PRR5L: variants seen among roughly 807,000 people sequenced by gnomAD.
PRR5L encodes the protein proline rich 5 like, also known as proline-rich protein 5-like.
PRR5L carries 21 observed loss-of-function variants against 36.4 expected under a neutral mutation model. The ratio of observed to expected loss-of-function variants is 0.58; its 90% CI spans 0.41 to 0.83. PRR5L has a LOEUF of 0.83. Among genes scored for constraint, PRR5L ranks in the 40% least tolerant of loss-of-function variants. The probability of loss-of-function intolerance (pLI) is 0.00; values close to 1 mark genes in which losing one functional copy is unlikely to be tolerated. For synonymous variants in PRR5L, 188 were observed against 197.0 expected, an observed-to-expected ratio of 0.95 and a Z score of 0.38; for missense variants, 381 against 473.3, an observed-to-expected ratio of 0.80 and a Z score of 1.81.
At chr11:36,333,769 G>A (rs12419905) in intron 1 of PRR5L, among the ~76,000 whole-genome samples, 15,691 of 152,160 alleles carry the variant, frequency 0.1, 1,544 homozygotes, top group African/African-American at 0.27. Context: ...TTCTGGGAAT[G>A]GTAGAAATGT....
rs11033570 is a variant in PRR5L at position 36,359,735 on chromosome 11, G to A, written c.-125-41262G>A. Among the ~76,000 whole-genome samples the A allele has an allele frequency of 5.8e-4, 89 of 152,268 alleles. 1 individual carries two copies. In the East Asian group the frequency reaches 0.017, roughly 29 times the overall value. On this transcript the variant is annotated intron_variant, in intron 1 of 8. Coordinates refer to ENST00000530639, the MANE Select transcript of PRR5L (RefSeq NM_001160167.2). Reference sequence around the variant, plus strand: ...GACTGGTCTATAACAGAAACTATAGGGCATTGTTTTAAATACTTCAGAAGC... The same window carrying A: ...GACTGGTCTATAACAGAAACTATAGAGCATTGTTTTAAATACTTCAGAAGC...
chr11:36,346,349 T>A (rs1246994745), intron 1 of PRR5L, among the ~76,000 whole-genome samples: 1 of 152,066 alleles, frequency 6.6e-6, no homozygotes, highest in Non-Finnish European at 1.5e-5. Flanking sequence ...TTTGGGAGGC[T>A]GAGGCGGGTG....
intron 1 of PRR5L, among the ~76,000 whole-genome samples, chr11:36,329,660 C>A (rs1056865000): frequency 6.6e-6 from 1 of 152,148 alleles, no homozygotes; most frequent in Non-Finnish European, 1.5e-5. Flanking sequence ...ATTGACCATA[C>A]AAACTTTTAA....
At chr11:36,331,443 A>T (rs1856717786) in intron 1 of PRR5L, among the ~76,000 whole-genome samples, 1 of 152,192 alleles carries the variant, frequency 6.6e-6, no homozygotes, top group Admixed American at 6.5e-5. Context: ...AGAAAAAAAG[A>T]TTTGGTTCTC....
chr11:36,332,755 C>G (rs1310678175), intron 1 of PRR5L, among the ~76,000 whole-genome samples: 1 of 152,108 alleles, frequency 6.6e-6, no homozygotes, highest in African/African-American at 2.4e-5. Context: ...GGCACCTCCT[C>G]CTCCTGCTGT....
At chr11:36,314,817 T>C (rs1482813842) in intron 1 of PRR5L, among the ~76,000 whole-genome samples, 1 of 152,238 alleles carries the variant, frequency 6.6e-6, no homozygotes, top group African/African-American at 2.4e-5. Context: ...AAGTGCCTGC[T>C]CTGTTGTTCA....
intron 4 of PRR5L, among the ~76,000 whole-genome samples, chr11:36,427,657 G>A (rs1858409403): frequency 6.6e-6 from 1 of 152,176 alleles, no homozygotes; most frequent in African/African-American, 2.4e-5. Flanking sequence ...CATTTGAGCA[G>A]GCTTAAGCCC....
At chr11:36,329,395 A>G (rs1482487094) in intron 1 of PRR5L, 1 of 152,222 alleles carries the variant, frequency 6.6e-6, no homozygotes. Flanking sequence ...TGGAAACATT[A>G]ATTACTGAAA....
intron 1 of PRR5L, among the ~76,000 whole-genome samples, chr11:36,392,643 T>C (rs1857584844): frequency 6.6e-6 from 1 of 152,222 alleles, no homozygotes; most frequent in Non-Finnish European, 1.5e-5. Context: ...AGAGTTTTAA[T>C]TGACTCACAG....
Position 36,351,495 on chromosome 11 carries a change from AT to A in PRR5L, c.-125-49501del, listed in dbSNP as rs1856954172. On this transcript the variant is annotated intron_variant, in intron 1 of 8. Transcript: ENST00000530639. ...TATACATATATATTTATATATTTAT[AT>A]ATATTTTTATATATTTATATATATT... is the stretch of plus-strand genomic sequence containing the variant. Among the ~76,000 whole-genome samples, 2 of 21,148 alleles carry A rather than the reference AT, an allele frequency of 9.5e-5. 1 individual carries two copies. The highest frequency in any genetic ancestry group is 1.4e-4 in the Non-Finnish European group (2 of 14,246). The allele number at this position is 21,148 out of a possible 152,430, so 13.9% of individuals were successfully genotyped here. A position where few individuals can be genotyped will look rare whatever the true frequency, so the allele number is the denominator to read the frequency against.
intron 1 of PRR5L, among the ~76,000 whole-genome samples, chr11:36,338,862 T>C (rs1329210043): frequency 6.6e-6 from 1 of 152,076 alleles, no homozygotes; most frequent in Non-Finnish European, 1.5e-5. Flanking sequence ...GAATTGTATC[T>C]CCCAGAATTC....
At chr11:36,369,355 T>C (rs1357385686) in intron 1 of PRR5L, among the ~76,000 whole-genome samples, 1 of 152,148 alleles carries the variant, frequency 6.6e-6, no homozygotes, top group African/African-American at 2.4e-5. Context: ...TTCCTTAGTT[T>C]GTATCCCAAA....
chr11:36,321,885 T>C (rs1012431403), intron 1 of PRR5L, among the ~76,000 whole-genome samples: 1 of 152,206 alleles, frequency 6.6e-6, no homozygotes. Flanking sequence ...GCCTTCCCTC[T>C]GCAGGTGTCT....
Position 36,462,382 on chromosome 11 carries a change from G to A in PRR5L, c.753G>A (p.Leu251=). ...HSRVRPKVTV[L]NYASPITAVS... Reference sequence around the variant, plus strand: ...GGGTCCGGCCCAAGGTGACTGTCCTGAACTATGCCTCCCCGATAACCGCAG... The same window carrying A: ...GGGTCCGGCCCAAGGTGACTGTCCTAAACTATGCCTCCCCGATAACCGCAG... The change falls in exon 9 of 9, where the codon CTG becomes CTA. Residue 251 remains leucine, a synonymous_variant. Transcript: ENST00000530639. 1.3e-6 allele frequency: 2 copies of A among 1,552,064 alleles called. No individual in the cohort carries two copies. The highest frequency in any genetic ancestry group is 1.7e-6 in the Non-Finnish European group (2 of 1,146,672).
At chr11:36,304,491 T>C (rs1856409116) in intron 1 of PRR5L, among the ~76,000 whole-genome samples, 1 of 152,236 alleles carries the variant, frequency 6.6e-6, no homozygotes, top group African/African-American at 2.4e-5. Context: ...CATATGATTC[T>C]GTGGCTGGCT....
chr11:36,427,196 T>G (rs1227276969), intron 4 of PRR5L, among the ~76,000 whole-genome samples: 1 of 152,228 alleles, frequency 6.6e-6, no homozygotes, highest in East Asian at 1.9e-4. Context: ...TTAGGAAAAT[T>G]AGATACGTCA....
At chr11:36,317,216 G>A (rs774806335) in intron 1 of PRR5L, among the ~76,000 whole-genome samples, 1 of 152,208 alleles carries the variant, frequency 6.6e-6, no homozygotes, top group African/African-American at 2.4e-5. Flanking sequence ...CTTAGTGAGG[G>A]CAACCAGCTG....
intron 1 of PRR5L, among the ~76,000 whole-genome samples, chr11:36,337,662 C>A (rs1432222602): frequency 6.6e-6 from 1 of 152,238 alleles, no homozygotes; most frequent in African/African-American, 2.4e-5. Context: ...CTCCTTGCGT[C>A]CTTCCTGCAC....
chr11:36,462,868 C>T lies in PRR5L; in HGVS notation c.*132C>T, dbSNP rs930769364. On this transcript the variant is annotated 3_prime_UTR_variant, in exon 9 of 9. Coordinates refer to ENST00000530639, the MANE Select transcript of PRR5L (RefSeq NM_001160167.2). ...ATTTCCTTTAGGGTACTGTCCTGGTCAAAATGACCTAAGGGGAAACCGTTG... is the reference window on the plus strand; with the variant it reads ...ATTTCCTTTAGGGTACTGTCCTGGTTAAAATGACCTAAGGGGAAACCGTTG... 1 of 844,982 alleles carries T rather than the reference C, an allele frequency of 1.2e-6. No homozygotes were observed. Among genetic ancestry groups the T allele is most frequent in the East Asian group, 2.9e-5 (1 of 34,398 alleles). 52.3% of individuals were successfully genotyped at this position (844,982 alleles called of 1,614,324 possible). A position where few individuals can be genotyped will look rare whatever the true frequency, so the allele number is the denominator to read the frequency against.
Sources: gnomAD v4.1 joint callset for allele counts (sites outside exome capture counted in the v4.1 genomes callset) on GRCh38, gnomAD v4.1.1 for gene constraint, MANE v1.5 for transcripts, NCBI Gene and HGNC (gene_info 2026-07-23, HGNC 2026-07-21) for gene names.